SNRNP48: variants seen among roughly 807,000 people sequenced by gnomAD.
SNRNP48 encodes the protein U11/U12 small nuclear ribonucleoprotein 48 kDa protein.
Under a neutral mutation model 47.0 loss-of-function variants are expected in SNRNP48, and 43 were observed. That is an observed-to-expected ratio of 0.92 (90% CI 0.72 to 1.18). The LOEUF (loss-of-function observed/expected upper bound fraction) is 1.18, where lower values mean the gene tolerates loss of function less well. Among genes scored for constraint, SNRNP48 ranks in the 50% most tolerant of loss-of-function variants. The pLI, the probability that SNRNP48 is intolerant of heterozygous loss-of-function variation, is 0.00. For synonymous variants in SNRNP48, 138 were observed against 144.0 expected (o/e 0.96, Z 0.30); for missense variants, 396 against 422.2 (o/e 0.94, Z 0.54).
chr6:7,596,076 C>T (rs1759899768), intron 4 of SNRNP48, among the ~76,000 whole-genome samples: 1 of 152,102 alleles, frequency 6.6e-6, no homozygotes, highest in African/African-American at 2.4e-5. Context: ...CCACCCTGGC[C>T]AACATGGCGA....
chr6:7,602,056 G>A (rs1218701740), intron 5 of SNRNP48, among the ~76,000 whole-genome samples: 3 of 151,956 alleles, frequency 2.0e-5, no homozygotes, highest in Admixed American at 6.6e-5. Flanking sequence ...GTTTTGCTAC[G>A]CTGGCCAGGC....
At chr6:7,603,590 C>A (rs1429373689) in intron 6 of SNRNP48, among the ~76,000 whole-genome samples, 4 of 152,156 alleles carry the variant, frequency 2.6e-5, no homozygotes. Flanking sequence ...TACTTTCTTA[C>A]CTGAAATGCT....
In SNRNP48 at chr6:7,594,163, A is replaced by T; in HGVS notation, c.331+4A>T. 1 of 1,286,816 alleles carries T rather than the reference A, an allele frequency of 7.8e-7. No homozygotes were observed. The highest frequency in any genetic ancestry group is 1.1e-6 in the Non-Finnish European group (1 of 937,634). 79.7% of individuals were successfully genotyped at this position (1,286,816 alleles called of 1,614,324 possible). On this transcript the variant is annotated splice_donor_region_variant and intron_variant, in intron 3 of 8. Transcript: ENST00000342415. ...AAGATACCTTCGATTACTTTGAGTA[A>T]GTATTAAGTTATTATAATTTAAAAA...
At chr6:7,597,989 C>T (rs535307476) in intron 4 of SNRNP48, among the ~76,000 whole-genome samples, 29 of 151,320 alleles carry the variant, frequency 1.9e-4, no homozygotes, top group African/African-American at 5.6e-4. Flanking sequence ...CCTCAGGTCC[C>T]GAGTAGCTGG....
chr6:7,595,180 A>G, intron 4 of SNRNP48, 79 bp downstream of exon 4: 3 of 1,261,890 alleles, frequency 2.4e-6, no homozygotes, highest in Non-Finnish European at 2.2e-6. Context: ...ATTTTCTTCA[A>G]GAAAAACCTG....
intron 4 of SNRNP48, chr6:7,599,955 AG>A (rs1759982242): frequency 2.0e-6 from 2 of 1,007,234 alleles, no homozygotes; most frequent in Non-Finnish European, 2.4e-6. Context: ...TAACAGGCAA[AG>A]GTTTATATGA....
At chr6:7,590,980 AAAAC>A (rs1759806775) in intron 1 of SNRNP48, among the ~76,000 whole-genome samples, 2 of 152,242 alleles carry the variant, frequency 1.3e-5, no homozygotes, top group Admixed American at 6.5e-5. Flanking sequence ...CCTGTCTCAA[AAAAC>A]AAACAAACAA....
At chr6:7,599,489 T>G (rs914247694) in intron 4 of SNRNP48, among the ~76,000 whole-genome samples, 2 of 152,192 alleles carry the variant, frequency 1.3e-5, no homozygotes, top group Non-Finnish European at 2.9e-5. Flanking sequence ...AGAGTTATTA[T>G]AATTACAGCA....
At chr6:7,590,723 A>G (rs958069620) in intron 1 of SNRNP48, among the ~76,000 whole-genome samples, 6 of 152,192 alleles carry the variant, frequency 3.9e-5, no homozygotes, top group African/African-American at 1.2e-4. Context: ...CACGCCTGTA[A>G]TCCTAGCACT....
Position 7,606,991 on chromosome 6 carries a change from G to A in SNRNP48, c.971+796G>A, listed in dbSNP as rs77310733. Among the ~76,000 whole-genome samples, 254 of 152,220 alleles carry A rather than the reference G, an allele frequency of 1.7e-3. 2 individuals carry two copies. Among genetic ancestry groups the A allele is most frequent in the African/African-American group, 5.8e-3 (243 of 41,540 alleles). ...TTACTGCATATGATTCCATTCCCTT[G>A]TATACTGCTAGAGTGAATAGTCACC... is the stretch of plus-strand genomic sequence containing the variant. On this transcript the variant is annotated intron_variant, in intron 8 of 8. Transcript: ENST00000342415.
chr6:7,592,610 A>G (rs1056347225), intron 1 of SNRNP48, among the ~76,000 whole-genome samples: 2 of 152,120 alleles, frequency 1.3e-5, no homozygotes, highest in Non-Finnish European at 2.9e-5. Context: ...TATAATAGAA[A>G]ATGAGGCAAA....
chr6:7,599,432 A>G (rs6900864), intron 4 of SNRNP48, among the ~76,000 whole-genome samples: 10,603 of 152,284 alleles, frequency 0.07, 494 homozygotes, highest in Non-Finnish European at 0.1. Context: ...TATGTTATAT[A>G]TATTTTGCCA....
chr6:7,607,333 T>C (rs375752297), intron 8 of SNRNP48, among the ~76,000 whole-genome samples: 1 of 152,170 alleles, frequency 6.6e-6, no homozygotes, highest in East Asian at 1.9e-4. Context: ...AAGTGAGAAC[T>C]CTTCAGTGGC....
chr6:7,606,468 T>G (rs1302967140), intron 8 of SNRNP48, among the ~76,000 whole-genome samples: 2 of 152,218 alleles, frequency 1.3e-5, no homozygotes, highest in Non-Finnish European at 2.9e-5. Context: ...ATGAAAGTAT[T>G]GTCTAGGCAG....
At chr6:7,607,360 G>T (rs1760146577) in intron 8 of SNRNP48, among the ~76,000 whole-genome samples, 1 of 152,154 alleles carries the variant, frequency 6.6e-6, no homozygotes, top group Non-Finnish European at 1.5e-5. Flanking sequence ...CACATTCTTT[G>T]AATGGCTCTC....
At chr6:7,598,066 A>T (rs1032437526) in intron 4 of SNRNP48, among the ~76,000 whole-genome samples, 50 of 151,572 alleles carry the variant, frequency 3.3e-4, no homozygotes, top group African/African-American at 1.2e-3. Context: ...ACGGGGTTTC[A>T]CTGTGTTAGC....
At chr6:7,593,981 G>T (rs1170207740) in intron 2 of SNRNP48, 118 bp from the exon 3 acceptor site, 1 of 973,772 alleles carries the variant, frequency 1.0e-6, no homozygotes, top group East Asian at 2.7e-5. Context: ...GTTGGTACTT[G>T]CCTAATTGCA....
intron 1 of SNRNP48, 72 bp downstream of exon 1, chr6:7,590,485 G>T (rs1759796331): frequency 8.0e-7 from 1 of 1,242,616 alleles, no homozygotes; most frequent in Non-Finnish European, 1.0e-6. Flanking sequence ...AGGGAGATCC[G>T]CACTGGCAGC....
intron 1 of SNRNP48, 25 bp from the exon 2 acceptor site, chr6:7,593,709 C>A (rs1198730819): frequency 5.0e-6 from 7 of 1,403,294 alleles, no homozygotes; most frequent in South Asian, 1.4e-5. Context: ...TACCTATTTT[C>A]TTTGTTTCTG....
Sources: allele counts gnomAD v4.1 joint callset (sites outside exome capture counted in the v4.1 genomes callset), GRCh38; gene constraint gnomAD v4.1.1; transcripts MANE v1.5; gene names NCBI Gene and HGNC (gene_info 2026-07-23, HGNC 2026-07-21).